PDE7B: variants seen among roughly 807,000 people sequenced by gnomAD.
PDE7B encodes 3',5'-cyclic-AMP phosphodiesterase 7B.
A neutral mutation model predicts 56.2 loss-of-function variants in PDE7B; 29 were observed. The observed-to-expected ratio is 0.52, with a 90% CI of 0.38 to 0.70. The LOEUF (loss-of-function observed/expected upper bound fraction) is 0.70. Ranked by LOEUF, PDE7B falls within the 30% of genes least tolerant of loss-of-function variation. The probability of loss-of-function intolerance (pLI) is 0.00; values close to 1 mark genes in which losing one functional copy is unlikely to be tolerated. For synonymous variants in PDE7B, 197 were observed against 196.9 expected, an observed-to-expected ratio of 1.00 and a Z score of 0.00; for missense variants, 490 against 565.0, an observed-to-expected ratio of 0.87 and a Z score of 1.35.
intron 1 of PDE7B, among the ~76,000 whole-genome samples, chr6:135,909,281 C>T (rs1016315619): frequency 5.3e-5 from 8 of 152,200 alleles, no homozygotes; most frequent in East Asian, 1.9e-4. Context: ...TATCTTCTTT[C>T]GTGCCCTGAA....
rs113168865 is a variant in PDE7B at position 136,115,442 on chromosome 6, A to G, written c.166+6628A>G. On this transcript the variant is annotated intron_variant, in intron 3 of 12. Coordinates refer to ENST00000308191, the MANE Select transcript of PDE7B (RefSeq NM_018945.4). ...TTAAGAAACCAGGAAAACATTGTCAACAAGTTTGCTCAACTAGATAAAAGT... is the reference window on the plus strand; with the variant it reads ...TTAAGAAACCAGGAAAACATTGTCAGCAAGTTTGCTCAACTAGATAAAAGT... Among the ~76,000 whole-genome samples, 1,189 of 152,322 alleles carry G rather than the reference A, an allele frequency of 7.8e-3. 6 individuals carry two copies. Among genetic ancestry groups the G allele is most frequent in the Non-Finnish European group, 0.012 (815 of 68,032 alleles).
intron 2 of PDE7B, chr6:136,037,832 G>A (rs1776349800): frequency 3.0e-6 from 3 of 985,158 alleles, no homozygotes; most frequent in Non-Finnish European, 3.6e-6. Context: ...AGAGAATTGA[G>A]AACAAATAAA....
chr6:136,133,099 C>T (rs1778146137), intron 3 of PDE7B, among the ~76,000 whole-genome samples: 2 of 151,970 alleles, frequency 1.3e-5, no homozygotes, highest in African/African-American at 4.8e-5. Flanking sequence ...GCCTTTGTAA[C>T]CTATAAAGAA....
At chr6:136,113,266 A>G (rs1777778676) in intron 3 of PDE7B, among the ~76,000 whole-genome samples, 1 of 152,218 alleles carries the variant, frequency 6.6e-6, no homozygotes, top group Non-Finnish European at 1.5e-5. Context: ...AATATGTTGT[A>G]TACCATAAAT....
At chr6:135,957,128 A>G (rs779383919) in intron 2 of PDE7B, among the ~76,000 whole-genome samples, 1 of 152,176 alleles carries the variant, frequency 6.6e-6, no homozygotes, top group Non-Finnish European at 1.5e-5. Flanking sequence ...GCGAGGAAGC[A>G]TGGAGATAGA....
chr6:135,940,997 C>A (rs965834895), intron 1 of PDE7B, among the ~76,000 whole-genome samples: 2 of 152,208 alleles, frequency 1.3e-5, no homozygotes, highest in Non-Finnish European at 1.5e-5. Flanking sequence ...TATCAGCATA[C>A]AGGCATTTGC....
rs370404666 is a variant in PDE7B at position 136,069,693 on chromosome 6, AGT to A, written c.83-39034_83-39033del. Among the ~76,000 whole-genome samples the A allele has an allele frequency of 1.7e-3, 252 of 152,336 alleles. 1 individual carries two copies. Among genetic ancestry groups the A allele is most frequent in the African/African-American group, 5.6e-3 (233 of 41,586 alleles). ...TTAGTTCTATAATATACAGTTATAA[AGT>A]GTGAAAAATTATCTTCAATTTTTGT... On this transcript the variant is annotated intron_variant, in intron 2 of 12. Transcript: ENST00000308191.
intron 2 of PDE7B, among the ~76,000 whole-genome samples, chr6:136,064,004 A>G (rs2128212975): frequency 6.6e-6 from 1 of 152,262 alleles, no homozygotes; most frequent in Non-Finnish European, 1.5e-5. Context: ...TACATAATTA[A>G]TAATGTTGAC....
At chr6:135,871,465 TCTC>T (rs914755126) in intron 1 of PDE7B, among the ~76,000 whole-genome samples, 31 of 152,162 alleles carry the variant, frequency 2.0e-4, no homozygotes, top group African/African-American at 7.2e-4. Context: ...GACATTTTCT[TCTC>T]CTCTTATTTG....
chr6:135,924,033 T>G (rs562118575), intron 1 of PDE7B, among the ~76,000 whole-genome samples: 2 of 152,290 alleles, frequency 1.3e-5, no homozygotes, highest in East Asian at 1.9e-4. Flanking sequence ...GTTGACAAAT[T>G]TTTTTAAATG....
chr6:136,101,163 T>G (rs975587502), intron 2 of PDE7B, among the ~76,000 whole-genome samples: 1 of 152,212 alleles, frequency 6.6e-6, no homozygotes, highest in African/African-American at 2.4e-5. Flanking sequence ...GGATTTGATT[T>G]GCCAGTATTT....
intron 3 of PDE7B, among the ~76,000 whole-genome samples, chr6:136,139,436 G>T (rs1778277113): frequency 6.6e-6 from 1 of 152,180 alleles, no homozygotes; most frequent in Non-Finnish European, 1.5e-5. Context: ...ACATACGTGT[G>T]CATGTGTCTT....
At position 136,139,896 on chromosome 6, in the gene PDE7B, A is replaced by G. The variant is rs1284557943; in HGVS notation, c.167-7455A>G. Reference sequence around the variant, plus strand: ...CCCTTTGTCAGATGAGTAGATTGCAAAAATTTTCTCCCATTCTGTAGGTTG... The same window carrying G: ...CCCTTTGTCAGATGAGTAGATTGCAGAAATTTTCTCCCATTCTGTAGGTTG... On this transcript the variant is annotated intron_variant, in intron 3 of 12. Coordinates refer to ENST00000308191, the MANE Select transcript of PDE7B (RefSeq NM_018945.4). 7.2e-5 allele frequency among the ~76,000 whole-genome samples: 11 copies of G among 152,214 alleles called. No individual in the cohort carries two copies. In the East Asian group the frequency reaches 1.9e-3, roughly 27 times the overall value.
At chr6:136,029,231 G>A (rs894532212) in intron 2 of PDE7B, among the ~76,000 whole-genome samples, 17 of 151,986 alleles carry the variant, frequency 1.1e-4, no homozygotes, top group African/African-American at 3.6e-4. Flanking sequence ...AATGATTAAC[G>A]AGAGACTTGA....
chr6:136,020,813 A>G (rs907919083), intron 2 of PDE7B, among the ~76,000 whole-genome samples: 6 of 152,136 alleles, frequency 3.9e-5, no homozygotes, highest in Non-Finnish European at 8.8e-5. Flanking sequence ...TTTTGGGCAT[A>G]AGTACTTGTT....
intron 2 of PDE7B, among the ~76,000 whole-genome samples, chr6:135,954,978 T>G (rs773574603): frequency 6.6e-5 from 10 of 152,114 alleles, no homozygotes; most frequent in Non-Finnish European, 1.3e-4. Flanking sequence ...CTATCAGAAC[T>G]GAAGTTGTCA....
chr6:135,895,310 T>A (rs1775879064), intron 1 of PDE7B, among the ~76,000 whole-genome samples: 1 of 152,178 alleles, frequency 6.6e-6, no homozygotes, highest in South Asian at 2.1e-4. Context: ...TCAATGTTGT[T>A]TATCAAGGCC....
At chr6:136,005,013 T>C (rs1412983640) in intron 2 of PDE7B, among the ~76,000 whole-genome samples, 2 of 152,092 alleles carry the variant, frequency 1.3e-5, no homozygotes, top group South Asian at 2.1e-4. Context: ...GAGATATAGA[T>C]CAATGGAACA....
At chr6:136,005,924 T>C (rs542033407) in intron 2 of PDE7B, among the ~76,000 whole-genome samples, 77 of 152,166 alleles carry the variant, frequency 5.1e-4, no homozygotes, top group Middle Eastern at 6.8e-3. Flanking sequence ...ATTGCGGCAC[T>C]ATTCACAATA....
Sources: allele counts gnomAD v4.1 joint callset (sites outside exome capture counted in the v4.1 genomes callset), GRCh38; gene constraint gnomAD v4.1.1; transcripts MANE v1.5; gene names NCBI Gene and HGNC (gene_info 2026-07-23, HGNC 2026-07-21).